Variants in VEPH1 observed in about 807,000 individuals in gnomAD.
VEPH1 encodes the protein ventricular zone expressed PH domain containing 1, also known as ventricular zone-expressed PH domain-containing protein homolog 1.
In VEPH1, 80 loss-of-function variants were observed where a neutral mutation model predicts 85.2. The observed-to-expected ratio is 0.94, with a 90% CI of 0.78 to 1.13. VEPH1 has a LOEUF of 1.13. VEPH1 is among the 50% of genes most tolerant of loss of function. The pLI is 0.00. For missense variants in VEPH1, 955 were observed against 980.5 expected, an observed-to-expected ratio of 0.97 and a Z score of 0.35; for synonymous variants, 297 against 348.0, an observed-to-expected ratio of 0.85 and a Z score of 1.63.
chr3:157,496,172 G>T (rs1739651977), intron 1 of VEPH1, among the ~76,000 whole-genome samples: 1 of 152,198 alleles, frequency 6.6e-6, no homozygotes. Context: ...TGATAGCCTT[G>T]CCATGTGGGC....
intron 2 of VEPH1, among the ~76,000 whole-genome samples, chr3:157,493,835 G>T (rs1029377830): frequency 6.6e-6 from 1 of 152,200 alleles, no homozygotes; most frequent in African/African-American, 2.4e-5. Context: ...ACCTCTAGTG[G>T]AAGTAGGCTT....
At chr3:157,437,433 C>T (rs1445983045) in intron 4 of VEPH1, 1 of 1,524,392 alleles carries the variant, frequency 6.6e-7, no homozygotes, top group East Asian at 2.4e-5. Context: ...CTTGGCACCA[C>T]CGAGGGAGGT....
chr3:157,422,868 A>T (rs1732450839), intron 5 of VEPH1, among the ~76,000 whole-genome samples: 2 of 152,058 alleles, frequency 1.3e-5, no homozygotes, highest in South Asian at 4.1e-4. Context: ...TCCCTTCCAT[A>T]TGCAATCCAC....
chr3:157,431,887 G>A (rs971172790), intron 4 of VEPH1, among the ~76,000 whole-genome samples: 1 of 151,482 alleles, frequency 6.6e-6, no homozygotes, highest in African/African-American at 2.4e-5. Context: ...TCACACTGTT[G>A]TCTGGGCTGG....
chr3:157,475,469 T>C (rs1450009264), intron 2 of VEPH1, among the ~76,000 whole-genome samples: 2 of 152,226 alleles, frequency 1.3e-5, no homozygotes, highest in African/African-American at 2.4e-5. Context: ...TTAGCTCATA[T>C]TACGCTTGAG....
chr3:157,378,235 C>T (rs1728350315), intron 7 of VEPH1, among the ~76,000 whole-genome samples: 2 of 150,176 alleles, frequency 1.3e-5, no homozygotes, highest in Non-Finnish European at 3.0e-5. Flanking sequence ...CCTTGACTCT[C>T]CTGGATGCTG....
chr3:157,488,134 T>C (rs1446852571), intron 2 of VEPH1, among the ~76,000 whole-genome samples: 1 of 152,154 alleles, frequency 6.6e-6, no homozygotes, highest in African/African-American at 2.4e-5. Flanking sequence ...GGAATGTGCT[T>C]CTTCCATTTA....
chr3:157,479,632 C>A (rs1737828106), intron 2 of VEPH1, among the ~76,000 whole-genome samples: 1 of 152,150 alleles, frequency 6.6e-6, no homozygotes, highest in Admixed American at 6.5e-5. Context: ...TTTCTCCCTC[C>A]CTTCCTTTAG....
intron 11 of VEPH1, among the ~76,000 whole-genome samples, chr3:157,307,868 T>A (rs907183962): frequency 3.3e-5 from 5 of 151,696 alleles, no homozygotes; most frequent in Non-Finnish European, 7.4e-5. Context: ...GTCTTTAAAA[T>A]TTTTTTCATT....
chr3:157,303,298 T>A (rs1489577599), intron 11 of VEPH1, among the ~76,000 whole-genome samples: 2 of 152,240 alleles, frequency 1.3e-5, no homozygotes, highest in Non-Finnish European at 2.9e-5. Context: ...TTTTACAGTA[T>A]CTATCAGTGT....
At chr3:157,270,185 C>T (rs751056866) in intron 12 of VEPH1, among the ~76,000 whole-genome samples, 19 of 151,888 alleles carry the variant, frequency 1.3e-4, no homozygotes, top group Non-Finnish European at 2.5e-4. Context: ...GTGGGAGGAT[C>T]GCTTGAGCCT....
intron 9 of VEPH1, among the ~76,000 whole-genome samples, chr3:157,346,446 G>A (rs1450566202): frequency 6.6e-6 from 1 of 152,108 alleles, no homozygotes; most frequent in African/African-American, 2.4e-5. Context: ...ATGTTTGAAA[G>A]ACCAGTTTCT....
chr3:157,488,988 G>A, intron 2 of VEPH1: 2 of 233,958 alleles, frequency 8.5e-6, no homozygotes, highest in Non-Finnish European at 8.8e-6. Context: ...TTCATCACAT[G>A]CACATACTTC....
intron 6 of VEPH1, among the ~76,000 whole-genome samples, chr3:157,384,596 A>T (rs1729099575): frequency 6.6e-6 from 1 of 152,206 alleles, no homozygotes; most frequent in African/African-American, 2.4e-5. Context: ...TGCCGAAATC[A>T]ACATAATTCT....
At chr3:157,372,462 G>A (rs1727615679) in intron 7 of VEPH1, among the ~76,000 whole-genome samples, 1 of 152,176 alleles carries the variant, frequency 6.6e-6, no homozygotes, top group Non-Finnish European at 1.5e-5. Context: ...TTTGCTTTAT[G>A]ATGAATATGA....
chr3:157,366,762 A>T (rs1726755527), intron 7 of VEPH1, among the ~76,000 whole-genome samples: 1 of 152,100 alleles, frequency 6.6e-6, no homozygotes. Flanking sequence ...AACAACAAAA[A>T]CAAACAACAA....
chr3:157,307,836 T>C (rs1410561902), intron 11 of VEPH1, among the ~76,000 whole-genome samples: 1 of 151,696 alleles, frequency 6.6e-6, no homozygotes, highest in Non-Finnish European at 1.5e-5. Flanking sequence ...CATGAAAAGA[T>C]CATATCTTTT....
intron 13 of VEPH1, among the ~76,000 whole-genome samples, chr3:157,265,125 T>C (rs189237759): frequency 3.9e-5 from 6 of 152,214 alleles, no homozygotes; most frequent in African/African-American, 1.4e-4. Flanking sequence ...CAGCCTTCAT[T>C]CTTTCCTCCT....
intron 2 of VEPH1, among the ~76,000 whole-genome samples, chr3:157,477,145 GT>G (rs1478831007): frequency 5.3e-5 from 8 of 151,464 alleles, no homozygotes; most frequent in African/African-American, 1.7e-4. Context: ...CTGGACTAAA[GT>G]CAAGGTGTCA....
Sources: allele counts gnomAD v4.1 joint callset (sites outside exome capture counted in the v4.1 genomes callset), GRCh38; gene constraint gnomAD v4.1.1; transcripts MANE v1.5; gene names NCBI Gene and HGNC (gene_info 2026-07-23, HGNC 2026-07-21).